The following DNM3 variants were observed in gnomAD, a reference collection of about 807,000 sequenced individuals.
DNM3 encodes dynamin 3, also known as dynamin-3.
DNM3 carries 47 observed loss-of-function variants against 101.6 expected under a neutral mutation model. The ratio of observed to expected loss-of-function variants is 0.46; its 90% CI spans 0.37 to 0.59. The LOEUF is 0.59. DNM3 is among the 20% of genes least tolerant of loss of function. The pLI, the probability that DNM3 is intolerant of heterozygous loss-of-function variation, is 0.00. For synonymous variants in DNM3, 385 were observed against 387.9 expected (o/e 0.99, Z 0.09); for missense variants, 849 against 1,085.7 (o/e 0.78, Z 3.06).
intron 15 of DNM3, among the ~76,000 whole-genome samples, chr1:172,307,728 A>G (rs900394829): frequency 3.3e-5 from 5 of 152,222 alleles, no homozygotes; most frequent in Admixed American, 3.3e-4. Context: ...TTGCAGGGAC[A>G]TGCATGAAGC....
chr1:172,118,792 C>T (rs1359799649), intron 13 of DNM3, among the ~76,000 whole-genome samples: 1 of 152,056 alleles, frequency 6.6e-6, no homozygotes, highest in Non-Finnish European at 1.5e-5. Flanking sequence ...GCTTTCAAAC[C>T]AGTCACAGCT....
At chr1:171,851,361 C>T (rs1451195661) in intron 1 of DNM3, among the ~76,000 whole-genome samples, 2 of 152,188 alleles carry the variant, frequency 1.3e-5, no homozygotes, top group Non-Finnish European at 2.9e-5. Flanking sequence ...CTGAAACATA[C>T]CTTTGTCATC....
intron 17 of DNM3, among the ~76,000 whole-genome samples, chr1:172,347,456 T>A (rs1241280083): frequency 2.6e-5 from 4 of 152,058 alleles, no homozygotes; most frequent in Admixed American, 2.6e-4. Context: ...ATAAAGAGGC[T>A]TTAAGTATGA....
chr1:171,921,743 T>C lies in DNM3; in HGVS notation c.162-5T>C. Reference sequence around the variant, plus strand: ...GCCTTAATCTGTATTTCTTACTTTTTTTAGGGACTTTCTCCCTCGAGGGTC... The same window carrying C: ...GCCTTAATCTGTATTTCTTACTTTTCTTAGGGACTTTCTCCCTCGAGGGTC... On this transcript the variant is annotated splice_region_variant and splice_polypyrimidine_tract_variant and intron_variant, in intron 1 of 20. Coordinates refer to ENST00000627582, the MANE Select transcript of DNM3 (RefSeq NM_015569.5). 6.3e-7 allele frequency: 1 copy of C among 1,578,252 alleles called. No individual in the cohort carries two copies. Among genetic ancestry groups the C allele is most frequent in the South Asian group, 1.2e-5 (1 of 86,166 alleles).
At chr1:171,949,291 T>C (rs138769061) in intron 2 of DNM3, among the ~76,000 whole-genome samples, 1,656 of 152,052 alleles carry the variant, frequency 0.011, 15 homozygotes, top group Non-Finnish European at 0.014. Context: ...CCACCAAGGG[T>C]AGGGTGGGGA....
chr1:172,286,288 G>A (rs932230444), intron 15 of DNM3, among the ~76,000 whole-genome samples: 2 of 152,190 alleles, frequency 1.3e-5, no homozygotes, highest in Admixed American at 6.5e-5. Flanking sequence ...GTTTCAGCAG[G>A]CTATTACCAT....
At chr1:171,848,680 C>T (rs2032527725) in intron 1 of DNM3, among the ~76,000 whole-genome samples, 2 of 151,986 alleles carry the variant, frequency 1.3e-5, no homozygotes, top group African/African-American at 2.4e-5. Flanking sequence ...CTTCAGTTTG[C>T]CTGTTTTCTA....
At chr1:171,997,760 C>G (rs140946629) in intron 4 of DNM3, among the ~76,000 whole-genome samples, 2 of 152,264 alleles carry the variant, frequency 1.3e-5, no homozygotes, top group African/African-American at 4.8e-5. Flanking sequence ...GTACACTAGA[C>G]TAGCAGGTGC....
intron 15 of DNM3, among the ~76,000 whole-genome samples, chr1:172,291,497 G>A (rs1197387102): frequency 2.0e-5 from 3 of 152,172 alleles, no homozygotes; most frequent in Non-Finnish European, 4.4e-5. Flanking sequence ...GCAAATGTAG[G>A]TAGTCTCATG....
At chr1:172,173,594 A>T (rs1270310143) in intron 14 of DNM3, among the ~76,000 whole-genome samples, 1 of 151,248 alleles carries the variant, frequency 6.6e-6, no homozygotes, top group African/African-American at 2.4e-5. Context: ...CTCCCAAAGC[A>T]CTGGGATTAT....
At chr1:172,303,503 C>T (rs2064582497) in intron 15 of DNM3, among the ~76,000 whole-genome samples, 1 of 152,128 alleles carries the variant, frequency 6.6e-6, no homozygotes. Flanking sequence ...GGGAGGCCAA[C>T]TTTCAAATTC....
chr1:172,314,160 A>AT (rs1018674431), intron 16 of DNM3, among the ~76,000 whole-genome samples: 1 of 152,210 alleles, frequency 6.6e-6, no homozygotes, highest in Non-Finnish European at 1.5e-5. Context: ...ATGCACACGT[A>AT]TGTTTATTGC....
Position 172,033,140 on chromosome 1 carries a change from A to G in DNM3, c.724A>G (p.Ile242Val), listed in dbSNP as rs188317443. 3.1e-4 allele frequency: 503 copies of G among 1,612,694 alleles called. 1 individual carries two copies. The highest frequency in any genetic ancestry group is 1.3e-3 in the South Asian group (118 of 90,766). ...GGTGGTAAACAGAAGCCAGAAGGACATAGATGGGAAGAAGGACATAAAGGC... is the reference window on the plus strand; with the variant it reads ...GGTGGTAAACAGAAGCCAGAAGGACGTAGATGGGAAGAAGGACATAAAGGC... ...VGVVNRSQKD[I>V]DGKKDIKAAM... Residue 242 changes from isoleucine (I) to valine (V), a missense_variant, in exon 6 of 21, where the codon ATA becomes GTA. By Grantham distance (29) the Ile-to-Val change is conservative (BLOSUM62 3). This residue lies in a region of DNM3 where 388 missense variants were observed against 483.0 expected (regional missense o/e 0.80). Coordinates refer to ENST00000627582, the MANE Select transcript of DNM3 (RefSeq NM_015569.5).
At chr1:171,994,683 C>T (rs1041284319) in intron 4 of DNM3, among the ~76,000 whole-genome samples, 1 of 150,980 alleles carries the variant, frequency 6.6e-6, no homozygotes, top group African/African-American at 2.5e-5. Flanking sequence ...CCAAGTTTTC[C>T]TTTTAAGTTT....
chr1:171,880,549 G>T (rs2036178194), intron 1 of DNM3, among the ~76,000 whole-genome samples: 1 of 152,184 alleles, frequency 6.6e-6, no homozygotes, highest in South Asian at 2.1e-4. Flanking sequence ...AATTTAAAGA[G>T]TCTATGAAGG....
In DNM3 at chr1:172,243,184, G is replaced by A. The variant is rs2061813108; in HGVS notation, c.1660-10389G>A. Among the ~76,000 whole-genome samples the A allele has an allele frequency of 2.0e-5, 3 of 151,804 alleles. No homozygotes were observed. The South Asian group carries it at 6.3e-4, about 32-fold the overall frequency. On this transcript the variant is annotated intron_variant, in intron 14 of 20. Transcript: ENST00000627582. The stretch of plus-strand genomic sequence containing the variant: ...CCAATCTCATATGTACAAATATGTA[G>A]GACTATTTCTCTAAATTTAAGAATA...
chr1:171,864,459 G>A (rs1052266779), intron 1 of DNM3: 4 of 152,214 alleles, frequency 2.6e-5, no homozygotes, highest in African/African-American at 9.6e-5. Context: ...CCTGGTAACT[G>A]GTTAAAAGAA....
At chr1:172,377,391 G>A (rs974715021) in intron 17 of DNM3, among the ~76,000 whole-genome samples, 1 of 151,528 alleles carries the variant, frequency 6.6e-6, no homozygotes, top group Non-Finnish European at 1.5e-5. Flanking sequence ...CCATTACCTG[G>A]TACTGCTAAA....
chr1:172,216,056 G>T (rs1369631527), intron 14 of DNM3, among the ~76,000 whole-genome samples: 2 of 149,568 alleles, frequency 1.3e-5, no homozygotes, highest in African/African-American at 2.5e-5. Flanking sequence ...GAACAAAGCT[G>T]CAGACATATA....
Sources: gnomAD v4.1 joint callset for allele counts (sites outside exome capture counted in the v4.1 genomes callset) on GRCh38, gnomAD v4.1.1 for gene constraint, gnomAD v4.1.1 regional missense constraint, MANE v1.5 for transcripts, NCBI Gene and HGNC (gene_info 2026-07-23, HGNC 2026-07-21) for gene names.